Variants in SH2D4A observed in about 807,000 individuals in gnomAD.
The protein encoded by SH2D4A is SH2 domain containing 4A.
A neutral mutation model predicts 64.7 loss-of-function variants in SH2D4A; 70 were observed. That is an observed-to-expected ratio of 1.08 (90% CI 0.89 to 1.32). The LOEUF (loss-of-function observed/expected upper bound fraction) is 1.32. Among genes scored for constraint, SH2D4A ranks in the 40% most tolerant of loss-of-function variants. The pLI, the probability that SH2D4A is intolerant of heterozygous loss-of-function variation, is 0.00. For synonymous variants in SH2D4A, 268 were observed against 200.7 expected (o/e 1.34, Z -2.83); for missense variants, 706 against 540.1 (o/e 1.31, Z -3.04).
At chr8:19,314,756 A>T (rs1415740442) in intron 1 of SH2D4A, among the ~76,000 whole-genome samples, 1 of 152,206 alleles carries the variant, frequency 6.6e-6, no homozygotes, top group Non-Finnish European at 1.5e-5. Context: ...AGGGGCATAG[A>T]TTTGGCATAT....
Position 19,319,490 on chromosome 8 carries a change from C to T in SH2D4A, c.-58C>T. ...AGTGCCAGCACAGGTGGAGGGACAC[C>T]TGGAGGCCAGTTTCAGGAACTTTTG... is the stretch of plus-strand genomic sequence containing the variant. On this transcript the variant is annotated 5_prime_UTR_variant, in exon 2 of 10. Transcript: ENST00000265807. The T allele has an allele frequency of 1.3e-5, 19 of 1,410,918 alleles. No individual in the cohort carries two copies. Among genetic ancestry groups the T allele is most frequent in the Non-Finnish European group, 1.7e-5 (18 of 1,076,794 alleles). 87.4% of individuals were successfully genotyped at this position (1,410,918 alleles called of 1,614,324 possible). A position where few individuals can be genotyped will look rare whatever the true frequency, so the allele number is the denominator to read the frequency against.
chr8:19,363,373 G>A (rs772699019), intron 6 of SH2D4A, among the ~76,000 whole-genome samples: 3 of 151,976 alleles, frequency 2.0e-5, no homozygotes, highest in Non-Finnish European at 4.4e-5. Context: ...CACTGTGCCC[G>A]GCCTTATGTT....
chr8:19,395,336 G>T lies in SH2D4A; in HGVS notation c.*694G>T, dbSNP rs77125214. On this transcript the variant is annotated 3_prime_UTR_variant, in exon 10 of 10. Transcript: ENST00000265807. ...CTCTATAGTGCACCAAAAGGATAAA[G>T]CATCTGTACATGTATTTTTTTATTT... 2 of 152,188 alleles carry T rather than the reference G, an allele frequency of 1.3e-5. No homozygotes were observed. The highest frequency in any genetic ancestry group is 4.8e-5 in the African/African-American group (2 of 41,454). The allele number at this position is 152,188 out of a possible 1,614,324, so 9.4% of individuals were successfully genotyped here.
At chr8:19,394,513 A>G in intron 9 of SH2D4A, 37 bp from the exon 10 acceptor site, 1 of 1,453,882 alleles carries the variant, frequency 6.9e-7, no homozygotes, top group Non-Finnish European at 9.5e-7. Context: ...TGTGGTCACT[A>G]CTTACACTAT....
At chr8:19,318,589 C>G (rs138141745) in intron 1 of SH2D4A, among the ~76,000 whole-genome samples, 1 of 152,136 alleles carries the variant, frequency 6.6e-6, no homozygotes, top group Non-Finnish European at 1.5e-5. Flanking sequence ...ACCTAATGAC[C>G]TCTTCATCCC....
At chr8:19,313,945 C>G in intron 1 of SH2D4A, 122 bp downstream of exon 1, 2 of 1,275,374 alleles carry the variant, frequency 1.6e-6, no homozygotes, top group Non-Finnish European at 2.0e-6. Flanking sequence ...AGCGGGCGGG[C>G]GGAAGCCTCA....
intron 1 of SH2D4A, 79 bp downstream of exon 1, chr8:19,313,902 G>C (rs2052038689): frequency 1.5e-5 from 20 of 1,367,540 alleles, no homozygotes; most frequent in Non-Finnish European, 1.9e-5. Context: ...TTCCTCGGAG[G>C]TTGCATGGGT....
Position 19,319,635 on chromosome 8 carries a change from A to C in SH2D4A, c.88A>C (p.Lys30Gln). The C allele has an allele frequency of 6.2e-7, 1 of 1,611,738 alleles. No homozygotes were observed. The highest frequency in any genetic ancestry group is 8.5e-7 in the Non-Finnish European group (1 of 1,179,186). ...AGAACAGAAACAGATCCTGTTCTTCAAGATGAGAGAGGAACAGATCCGACG... is the reference window on the plus strand; with the variant it reads ...AGAACAGAAACAGATCCTGTTCTTCCAGATGAGAGAGGAACAGATCCGACG... ...SEEQKQILFFKMREEQIRRWK... is the reference protein window; with the variant it reads ...SEEQKQILFFQMREEQIRRWK... The change falls in exon 2 of 10, where the codon AAG becomes CAG. Residue 30 changes from lysine to glutamine, a missense_variant. By Grantham distance (53) the Lys-to-Gln change is moderately conservative (BLOSUM62 1). Coordinates refer to ENST00000265807, the MANE Select transcript of SH2D4A (RefSeq NM_022071.4).
At chr8:19,357,412 G>C in intron 5 of SH2D4A, 129 bp downstream of exon 5, 1 of 733,426 alleles carries the variant, frequency 1.4e-6, no homozygotes, top group Middle Eastern at 2.4e-4. Flanking sequence ...TGTCCTAAAA[G>C]CTGCAAACAC....
At chr8:19,314,042 CCGGTGT>C (rs2052043220) in intron 1 of SH2D4A, 1 of 1,196,796 alleles carries the variant, frequency 8.4e-7, no homozygotes, top group Non-Finnish European at 1.0e-6. Flanking sequence ...TGTCCGGTGT[CCGGTGT>C]CCGGTGTCCG....
At chr8:19,368,364 A>G (rs551652069) in intron 7 of SH2D4A, among the ~76,000 whole-genome samples, 118 of 152,206 alleles carry the variant, frequency 7.8e-4, no homozygotes, top group Middle Eastern at 6.8e-3. Flanking sequence ...GGTTGCATAG[A>G]AATTTTGAAA....
At chr8:19,367,930 A>G (rs1037739658) in intron 7 of SH2D4A, among the ~76,000 whole-genome samples, 3 of 152,134 alleles carry the variant, frequency 2.0e-5, no homozygotes, top group Non-Finnish European at 4.4e-5. Context: ...ATTAAAAATA[A>G]AAATCCTTGC....
intron 7 of SH2D4A, among the ~76,000 whole-genome samples, chr8:19,370,099 A>AT (rs1299116470): frequency 6.6e-6 from 1 of 151,996 alleles, no homozygotes; most frequent in African/African-American, 2.4e-5. Context: ...ATTTCCACAT[A>AT]TTTGTTTCTA....
At chr8:19,355,940 C>T (rs984825186) in intron 4 of SH2D4A, among the ~76,000 whole-genome samples, 2 of 152,156 alleles carry the variant, frequency 1.3e-5, no homozygotes, top group African/African-American at 4.8e-5. Flanking sequence ...GCCAAAAATA[C>T]AATAAAAGTT....
intron 7 of SH2D4A, among the ~76,000 whole-genome samples, chr8:19,372,936 A>C (rs574095517): frequency 1.3e-5 from 2 of 152,294 alleles, no homozygotes; most frequent in South Asian, 4.1e-4. Context: ...AGAGAAAATC[A>C]AATAATGCAA....
In SH2D4A at chr8:19,346,472, A is replaced by G. The variant is rs551758034; in HGVS notation, c.514-10731A>G. On this transcript the variant is annotated intron_variant, in intron 4 of 9. Coordinates refer to ENST00000265807, the MANE Select transcript of SH2D4A (RefSeq NM_022071.4). ...CTGCCTCCCATTACCCTCAGATGGG[A>G]CACTCTAGTTGAAGGAAAGCAAGCC... is the stretch of plus-strand genomic sequence containing the variant. Among the ~76,000 whole-genome samples the G allele has an allele frequency of 3.9e-5, 6 of 152,350 alleles. No homozygotes were observed. In the South Asian group the frequency reaches 1.2e-3, roughly 32 times the overall value.
intron 7 of SH2D4A, among the ~76,000 whole-genome samples, chr8:19,364,802 T>G (rs1401752556): frequency 6.6e-6 from 1 of 152,218 alleles, no homozygotes. Context: ...GCCAAGTTCC[T>G]CTTTTAAGAA....
At chr8:19,353,684 T>TTG (rs1554481617) in intron 4 of SH2D4A, among the ~76,000 whole-genome samples, 3 of 147,886 alleles carry the variant, frequency 2.0e-5, no homozygotes, top group Non-Finnish European at 3.0e-5. Flanking sequence ...GTTTTTTTTT[T>TTG]TTTTTTTTTT....
intron 1 of SH2D4A, among the ~76,000 whole-genome samples, chr8:19,316,911 G>A (rs573010019): frequency 4.0e-4 from 61 of 152,260 alleles, no homozygotes; most frequent in Non-Finnish European, 7.1e-4. Context: ...GTTAACACAT[G>A]TAGAGTGCTT....
Sources: allele counts gnomAD v4.1 joint callset (sites outside exome capture counted in the v4.1 genomes callset), GRCh38; gene constraint gnomAD v4.1.1; transcripts MANE v1.5; gene names NCBI Gene and HGNC (gene_info 2026-07-23, HGNC 2026-07-21).